Variants in SYN3 observed in about 807,000 individuals in gnomAD.
The protein encoded by SYN3 is synapsin-3.
A neutral mutation model predicts 65.8 loss-of-function variants in SYN3; 35 were observed. The observed-to-expected ratio is 0.53, with a 90% CI of 0.41 to 0.70. The LOEUF is 0.70. Ranked by LOEUF, SYN3 falls within the 30% of genes least tolerant of loss-of-function variation. SYN3 has a pLI of 0.00. For missense variants in SYN3, 680 were observed against 749.0 expected (o/e 0.91, Z 1.08); for synonymous variants, 270 against 292.9 (o/e 0.92, Z 0.80).
intron 4 of SYN3, among the ~76,000 whole-genome samples, chr22:32,882,141 T>C (rs1317692998): frequency 6.6e-6 from 1 of 151,686 alleles, no homozygotes; most frequent in Non-Finnish European, 1.5e-5. Context: ...ACCTGGGCTG[T>C]CAGGTGAAAC....
chr22:32,520,818 C>T (rs148446960), intron 12 of SYN3, among the ~76,000 whole-genome samples: 154 of 152,296 alleles, frequency 1.0e-3, no homozygotes, highest in African/African-American at 3.4e-3. Flanking sequence ...CCAGGAGCCT[C>T]AGGTCCTGAC....
At chr22:32,720,276 C>G (rs781762720) in intron 6 of SYN3, among the ~76,000 whole-genome samples, 110 of 152,190 alleles carry the variant, frequency 7.2e-4, no homozygotes, top group Non-Finnish European at 1.2e-3. Flanking sequence ...TCACAGATTG[C>G]TCTGTTGCGT....
chr22:32,947,393 A>G (rs1358691122), intron 3 of SYN3: 4 of 152,240 alleles, frequency 2.6e-5, no homozygotes, highest in Non-Finnish European at 5.9e-5. Context: ...GGCACACAGT[A>G]GGTATTCAAA....
chr22:32,775,962 G>A (rs934532542), intron 6 of SYN3, among the ~76,000 whole-genome samples: 7 of 152,174 alleles, frequency 4.6e-5, no homozygotes, highest in Non-Finnish European at 7.3e-5. Flanking sequence ...ATTAAATGAA[G>A]GACCTAGAGA....
intron 7 of SYN3, among the ~76,000 whole-genome samples, chr22:32,542,868 G>C (rs1411917095): frequency 1.3e-5 from 2 of 152,056 alleles, no homozygotes; most frequent in African/African-American, 4.8e-5. Flanking sequence ...GACTCCCAGC[G>C]GCTGTGGACA....
intron 6 of SYN3, among the ~76,000 whole-genome samples, chr22:32,714,407 C>G (rs755018504): frequency 1.8e-4 from 27 of 152,150 alleles, no homozygotes; most frequent in Non-Finnish European, 2.5e-4. Context: ...GTTCTCAACC[C>G]TGGCTGCAGG....
intron 4 of SYN3, among the ~76,000 whole-genome samples, chr22:32,915,107 C>A (rs971044076): frequency 1.6e-4 from 25 of 152,088 alleles, no homozygotes; most frequent in African/African-American, 6.0e-4. Context: ...GAACATCACA[C>A]GCTGAGGCCT....
At chr22:32,798,685 CTTTTTTTTT>C (rs751710119) in intron 6 of SYN3, among the ~76,000 whole-genome samples, 18 of 92,498 alleles carry the variant, frequency 1.9e-4, no homozygotes, top group Non-Finnish European at 3.4e-4. Context: ...CATCTTCATT[CTTTTTTTTT>C]TTTTTTTTTT....
chr22:32,786,723 G>A lies in SYN3; in HGVS notation c.711+78192C>T, dbSNP rs535767384. 3.9e-5 allele frequency among the ~76,000 whole-genome samples: 6 copies of A among 152,298 alleles called. No individual in the cohort carries two copies. In the South Asian group the frequency reaches 1.2e-3, roughly 32 times the overall value. ...ATTTAATAATATGTTAACATTTGGG[G>A]AATCTGGGTAAAAGGTATCTGGTAA... is the stretch of plus-strand genomic sequence containing the variant. On this transcript the variant is annotated intron_variant, in intron 6 of 13. Coordinates refer to ENST00000358763, the MANE Select transcript of SYN3 (RefSeq NM_003490.4).
chr22:32,790,319 A>C (rs973401467), intron 6 of SYN3, among the ~76,000 whole-genome samples: 25 of 152,180 alleles, frequency 1.6e-4, no homozygotes, highest in African/African-American at 6.0e-4. Context: ...AAATAAGAGT[A>C]TACTGTAATA....
At chr22:32,645,540 G>A (rs896475324) in intron 6 of SYN3, among the ~76,000 whole-genome samples, 2 of 151,980 alleles carry the variant, frequency 1.3e-5, no homozygotes, top group African/African-American at 4.8e-5. Context: ...TACTCTACAA[G>A]TAATACGTGC....
intron 6 of SYN3, among the ~76,000 whole-genome samples, chr22:32,833,476 T>C (rs529269193): frequency 2.0e-5 from 3 of 152,314 alleles, no homozygotes; most frequent in Admixed American, 6.5e-5. Context: ...AGGTCAGAGA[T>C]GGTTGCACAC....
chr22:32,560,231 T>C (rs2058567727), intron 7 of SYN3, among the ~76,000 whole-genome samples: 1 of 152,234 alleles, frequency 6.6e-6, no homozygotes, highest in African/African-American at 2.4e-5. Flanking sequence ...TTTACTTCGT[T>C]TCATTCCTGC....
At chr22:32,579,426 A>G (rs914262666) in intron 7 of SYN3, among the ~76,000 whole-genome samples, 5 of 152,280 alleles carry the variant, frequency 3.3e-5, no homozygotes, top group African/African-American at 9.6e-5. Context: ...ATTCTCACAC[A>G]GCGGAAGGGG....
chr22:32,559,534 T>C (rs574404645), intron 7 of SYN3, among the ~76,000 whole-genome samples: 2 of 152,132 alleles, frequency 1.3e-5, no homozygotes, highest in African/African-American at 2.4e-5. Flanking sequence ...TCCTAATGGA[T>C]AGAAAAAACC....
intron 4 of SYN3, among the ~76,000 whole-genome samples, chr22:32,888,137 G>A (rs2049345662): frequency 6.6e-6 from 1 of 152,104 alleles, no homozygotes; most frequent in Non-Finnish European, 1.5e-5. Context: ...TCTGTCGAGT[G>A]GCTATTTGAG....
At chr22:32,521,442 A>ATTTTTT (rs34710233) in intron 12 of SYN3, among the ~76,000 whole-genome samples, 7 of 119,760 alleles carry the variant, frequency 5.8e-5, no homozygotes, top group South Asian at 2.8e-4. Flanking sequence ...ACACCTCTTG[A>ATTTTTT]TTTTTTTTTT....
intron 6 of SYN3, among the ~76,000 whole-genome samples, chr22:32,641,294 C>A (rs1469638163): frequency 6.6e-6 from 1 of 152,062 alleles, no homozygotes; most frequent in African/African-American, 2.4e-5. Context: ...TTCAGAATCC[C>A]TGGGAAGCTA....
chr22:32,817,124 G>A (rs2047107651), intron 6 of SYN3, among the ~76,000 whole-genome samples: 1 of 151,994 alleles, frequency 6.6e-6, no homozygotes, highest in Non-Finnish European at 1.5e-5. Flanking sequence ...AGGCTTAGGT[G>A]GGAGAATCGC....
Sources: gnomAD v4.1 joint callset for allele counts (sites outside exome capture counted in the v4.1 genomes callset) on GRCh38, gnomAD v4.1.1 for gene constraint, MANE v1.5 for transcripts, NCBI Gene and HGNC (gene_info 2026-07-23, HGNC 2026-07-21) for gene names.